Variants in ST18 observed in about 807,000 individuals in gnomAD.
The protein encoded by ST18 is ST18 C2H2C-type zinc finger transcription factor.
ST18 carries 50 observed loss-of-function variants against 110.0 expected under a neutral mutation model. The observed-to-expected ratio is 0.45, with a 90% confidence interval of 0.36 to 0.58. The LOEUF is 0.58. Ranked by LOEUF, ST18 falls within the 20% of genes least tolerant of loss-of-function variation. The pLI is 0.00. For synonymous variants in ST18, 461 were observed against 452.4 expected, an observed-to-expected ratio of 1.02 and a Z score of -0.24; for missense variants, 1,306 against 1,280.1, an observed-to-expected ratio of 1.02 and a Z score of -0.31.
chr8:52,152,152 C>T (rs1167943210), intron 15 of ST18, among the ~76,000 whole-genome samples: 1 of 152,208 alleles, frequency 6.6e-6, no homozygotes, highest in African/African-American at 2.4e-5. Context: ...GAGCGGGCGG[C>T]TCACTGGGGA....
chr8:52,118,254 C>T (rs2043262346), intron 24 of ST18, 84 bp downstream of exon 24: 2 of 891,124 alleles, frequency 2.2e-6, no homozygotes, highest in Non-Finnish European at 3.4e-6. Context: ...CATATATTTT[C>T]ACACAAGTTT....
chr8:52,195,480 C>A (rs1022063694), intron 8 of ST18, among the ~76,000 whole-genome samples: 4 of 151,844 alleles, frequency 2.6e-5, no homozygotes, highest in African/African-American at 9.7e-5. Flanking sequence ...CATAAATTAT[C>A]TTATTTTGAT....
At chr8:52,161,745 C>T (rs80035392) in intron 13 of ST18, among the ~76,000 whole-genome samples, 177 bp from the exon 14 acceptor site, 3,428 of 152,212 alleles carry the variant, frequency 0.023, 112 homozygotes, top group South Asian at 0.13. Flanking sequence ...ACCCATAGGG[C>T]GAGATGGAAA....
At chr8:52,292,904 T>C (rs949477475) in intron 2 of ST18, among the ~76,000 whole-genome samples, 9 of 152,184 alleles carry the variant, frequency 5.9e-5, no homozygotes, top group African/African-American at 2.2e-4. Context: ...TGGGATCTTG[T>C]ACAAAGAAGT....
intron 2 of ST18, among the ~76,000 whole-genome samples, chr8:52,349,550 G>T (rs913165207): frequency 1.3e-5 from 2 of 152,152 alleles, no homozygotes; most frequent in Non-Finnish European, 2.9e-5. Context: ...GAAACAAAAT[G>T]ATCATCTTTT....
At chr8:52,208,492 A>G (rs1375039779) in intron 8 of ST18, among the ~76,000 whole-genome samples, 1 of 152,262 alleles carries the variant, frequency 6.6e-6, no homozygotes, top group Admixed American at 6.5e-5. Flanking sequence ...TAGATAGAAT[A>G]ATAATTAAGA....
chr8:52,158,963 G>T lies in ST18; in HGVS notation c.1741C>A (p.Leu581Ile), dbSNP rs372839192. ...GTGGCTTCCCTGCAGCGGGTGGAAA[G>T]GTTCAGGATGGCAGCAGCTGCTGCT... is the stretch of plus-strand genomic sequence containing the variant. Reference protein sequence around the residue: ...HIAAAAAILNLSTRCREATDI... With the variant: ...HIAAAAAILNISTRCREATDI... Residue 581 changes from leucine to isoleucine, a missense_variant, in exon 15 of 26, where the codon CTT becomes ATT. Leu to Ile is a conservative substitution (Grantham distance 5, BLOSUM62 2). Transcript: ENST00000689386. 4 of 1,613,948 alleles carry T rather than the reference G, an allele frequency of 2.5e-6. No homozygotes were observed. In the African/African-American group the frequency reaches 5.3e-5, roughly 22 times the overall value.
intron 17 of ST18, among the ~76,000 whole-genome samples, chr8:52,140,367 T>C (rs968432435): frequency 6.6e-6 from 1 of 152,016 alleles, no homozygotes; most frequent in Non-Finnish European, 1.5e-5. Context: ...CTGTCTCTAC[T>C]AAAAATACAA....
At chr8:52,383,584 G>C (rs1306340626) in intron 2 of ST18, among the ~76,000 whole-genome samples, 1 of 151,768 alleles carries the variant, frequency 6.6e-6, no homozygotes, top group East Asian at 1.9e-4. Flanking sequence ...GAGTAGCTGG[G>C]ATTACAGGCA....
At chr8:52,203,370 C>CTT (rs1426903317) in intron 8 of ST18, among the ~76,000 whole-genome samples, 1 of 152,144 alleles carries the variant, frequency 6.6e-6, no homozygotes, top group African/African-American at 2.4e-5. Flanking sequence ...AAACTCTTGG[C>CTT]TTTTCTGCCA....
intron 23 of ST18, among the ~76,000 whole-genome samples, chr8:52,119,668 C>T (rs561851592): frequency 3.9e-5 from 6 of 152,202 alleles, no homozygotes; most frequent in African/African-American, 7.2e-5. Flanking sequence ...CAGTGTTGCT[C>T]GCCAAAAGCA....
intron 8 of ST18, among the ~76,000 whole-genome samples, chr8:52,197,850 G>A (rs977218031): frequency 1.3e-5 from 2 of 151,218 alleles, no homozygotes; most frequent in African/African-American, 4.9e-5. Context: ...GAGAATAGAA[G>A]ATAGAGACCC....
intron 17 of ST18, among the ~76,000 whole-genome samples, chr8:52,139,035 G>C (rs1416338837): frequency 6.6e-6 from 1 of 151,968 alleles, no homozygotes; most frequent in Non-Finnish European, 1.5e-5. Context: ...GATTTTCAGG[G>C]TCTGATCCAA....
chr8:52,392,810 G>A (rs2140994789), intron 2 of ST18, among the ~76,000 whole-genome samples: 1 of 152,272 alleles, frequency 6.6e-6, no homozygotes, highest in East Asian at 1.9e-4. Context: ...AATCTGACTG[G>A]TTGCAGAAGG....
intron 22 of ST18, among the ~76,000 whole-genome samples, chr8:52,128,374 A>G (rs1356716237): frequency 1.3e-5 from 2 of 152,214 alleles, no homozygotes; most frequent in African/African-American, 4.8e-5. Context: ...CTAAGTTTCA[A>G]TAAAATCACA....
At chr8:52,333,390 G>A (rs1810525607) in intron 2 of ST18, among the ~76,000 whole-genome samples, 1 of 152,010 alleles carries the variant, frequency 6.6e-6, no homozygotes, top group Admixed American at 6.5e-5. Flanking sequence ...CTCAGCAGGG[G>A]CACCTATATT....
chr8:52,256,088 C>T (rs562935353), intron 2 of ST18, among the ~76,000 whole-genome samples: 1 of 152,322 alleles, frequency 6.6e-6, no homozygotes, highest in South Asian at 2.1e-4. Flanking sequence ...CTATATCCAT[C>T]AAAACAAAGC....
intron 2 of ST18, among the ~76,000 whole-genome samples, chr8:52,351,476 T>A (rs562696212): frequency 1.3e-5 from 2 of 152,362 alleles, no homozygotes; most frequent in South Asian, 4.1e-4. Context: ...CAATGGTTCC[T>A]TCCCCATAGG....
chr8:52,297,895 T>C (rs1476354666), intron 2 of ST18, among the ~76,000 whole-genome samples: 1 of 152,246 alleles, frequency 6.6e-6, no homozygotes, highest in Non-Finnish European at 1.5e-5. Context: ...ACAGAAGTTG[T>C]CTAAAACTGG....
Sources: allele counts gnomAD v4.1 joint callset (sites outside exome capture counted in the v4.1 genomes callset), GRCh38; gene constraint gnomAD v4.1.1; transcripts MANE v1.5; gene names NCBI Gene and HGNC (gene_info 2026-07-23, HGNC 2026-07-21).